ERI3: variants seen among roughly 807,000 people sequenced by gnomAD.
ERI3 encodes the protein ERI1 exoribonuclease family member 3.
A neutral mutation model predicts 44.4 loss-of-function variants in ERI3; 18 were observed. That is an observed-to-expected ratio of 0.41 (90% CI 0.28 to 0.60). ERI3 has a LOEUF of 0.60. Among genes scored for constraint, ERI3 ranks in the 20% least tolerant of loss-of-function variants. ERI3 has a pLI of 0.36. For missense variants in ERI3, 294 were observed against 435.5 expected (o/e 0.68, Z 2.89); for synonymous variants, 183 against 164.8 (o/e 1.11, Z -0.84).
intron 7 of ERI3, 81 bp downstream of exon 7, chr1:44,284,754 T>A: frequency 9.7e-7 from 1 of 1,031,542 alleles, no homozygotes; most frequent in East Asian, 2.4e-5. Context: ...AGAACAGATA[T>A]AAGAAAAGAA....
intron 6 of ERI3, among the ~76,000 whole-genome samples, chr1:44,299,845 T>C (rs1172545946): frequency 6.6e-6 from 1 of 152,122 alleles, no homozygotes; most frequent in African/African-American, 2.4e-5. Flanking sequence ...CCCAGCTGGT[T>C]CTGAGGCCCT....
intron 7 of ERI3, among the ~76,000 whole-genome samples, chr1:44,266,810 C>T (rs984993570): frequency 6.6e-6 from 1 of 152,324 alleles, no homozygotes; most frequent in South Asian, 2.1e-4. Context: ...GGAGGGTCCC[C>T]GTCTGATCTC....
Position 44,252,587 on chromosome 1 carries a change from C to G in ERI3, c.832-4549G>C, listed in dbSNP as rs1644704497. On this transcript the variant is annotated intron_variant, in intron 7 of 8. Coordinates refer to ENST00000372257, the MANE Select transcript of ERI3 (RefSeq NM_024066.3). The surrounding 1 kb of genome is among the most constrained non-coding windows in gnomAD (Gnocchi z 4.7). ...CGAAATGGAATCGTGTATAATCAGCCTCCTCCATGCACTGTCAGTCCCATC... is the reference window on the plus strand; with the variant it reads ...CGAAATGGAATCGTGTATAATCAGCGTCCTCCATGCACTGTCAGTCCCATC... 6.6e-6 allele frequency among the ~76,000 whole-genome samples: 1 copy of G among 152,252 alleles called. No individual in the cohort carries two copies. The highest frequency in any genetic ancestry group is 2.1e-4 in the South Asian group (1 of 4,834).
rs1250451168 is a variant in ERI3, at chr1:44,310,961, GCGCACACA to G, written c.666+2200_666+2207del. Among the ~76,000 whole-genome samples the G allele has an allele frequency of 7.8e-4, 66 of 84,684 alleles. 1 individual carries two copies. Among genetic ancestry groups the G allele is most frequent in the Middle Eastern group, 6.0e-3 (1 of 166 alleles). The allele number at this position is 84,684 out of a possible 152,430, so 55.6% of individuals were successfully genotyped here. ...GCATGTATGTGCACATCGCGCGCGC[GCGCACACA>G]CACACACACACACACACACACACAC... On this transcript the variant is annotated intron_variant, in intron 5 of 8. Coordinates refer to ENST00000372257, the MANE Select transcript of ERI3 (RefSeq NM_024066.3).
Position 44,352,857 on chromosome 1 carries a change from T to A in ERI3, c.204A>T (p.Val68=), listed in dbSNP as rs747247749. 2 of 1,614,148 alleles carry A rather than the reference T, an allele frequency of 1.2e-6. No individual in the cohort carries two copies. Among genetic ancestry groups the A allele is most frequent in the Non-Finnish European group, 1.7e-6 (2 of 1,180,010 alleles). The change falls in exon 2 of 9, where the codon GTA becomes GTT. Residue 68 remains valine, a synonymous_variant. Transcript: ENST00000372257. The part of the protein sequence containing the change: ...SPAAGLGIFE[V]RRVLDASGCS... ...ATGCAACAGGATTCTCACCTCTCCT[T>A]ACTTCGAAGATGCCAAGACCGGCAG...
At chr1:44,264,388 T>C (rs149049411) in intron 7 of ERI3, among the ~76,000 whole-genome samples, 46 of 152,294 alleles carry the variant, frequency 3.0e-4, no homozygotes, top group Admixed American at 8.5e-4. Flanking sequence ...GTCTCTTCTA[T>C]TGACAGGACG....
In ERI3 at chr1:44,288,638, C is replaced by G. The variant is rs550903232; in HGVS notation, c.759-3731G>C. On this transcript the variant is annotated intron_variant, in intron 6 of 8. Coordinates refer to ENST00000372257, the MANE Select transcript of ERI3 (RefSeq NM_024066.3). The stretch of plus-strand genomic sequence containing the variant: ...TCATACAACAAGGCAAGGGTAGTAC[C>G]AGAAACAGAACCTAAAGCTTCTGAC... Among the ~76,000 whole-genome samples, 69 of 152,222 alleles carry G rather than the reference C, an allele frequency of 4.5e-4. 1 individual carries two copies. The South Asian group carries it at 0.014, about 31-fold the overall frequency.
chr1:44,256,304 G>A lies in ERI3; in HGVS notation c.832-8266C>T, dbSNP rs567444389. On this transcript the variant is annotated intron_variant, in intron 7 of 8. Coordinates refer to ENST00000372257, the MANE Select transcript of ERI3 (RefSeq NM_024066.3). ...CCCCACAGCCATTCTTGGAACTGGGGGCTCAGTTGCCTGTTTTAAGGAAGA... is the reference window on the plus strand; with the variant it reads ...CCCCACAGCCATTCTTGGAACTGGGAGCTCAGTTGCCTGTTTTAAGGAAGA... Among the ~76,000 whole-genome samples the A allele has an allele frequency of 2.7e-4, 41 of 152,260 alleles. 1 individual carries two copies. Among genetic ancestry groups the A allele is most frequent in the Admixed American group, 2.7e-3 (41 of 15,296 alleles).
At position 44,355,207 on chromosome 1, in the gene ERI3, G is replaced by A. The variant is rs1646977315; in HGVS notation, c.-181C>T. 5 of 1,193,694 alleles carry A rather than the reference G, an allele frequency of 4.2e-6. No individual in the cohort carries two copies. The highest frequency in any genetic ancestry group is 4.2e-6 in the Non-Finnish European group (4 of 963,596). The allele number at this position is 1,193,694 out of a possible 1,614,324, so 73.9% of individuals were successfully genotyped here. On this transcript the variant is annotated 5_prime_UTR_variant, in exon 1 of 9. Coordinates refer to ENST00000372257, the MANE Select transcript of ERI3 (RefSeq NM_024066.3). Reference sequence around the variant, plus strand: ...CGCCCGCTCCCCACCGCCCGTTCCCGGCCGCCTGAACAGCGGCAGCCAGCA... The same window carrying A: ...CGCCCGCTCCCCACCGCCCGTTCCCAGCCGCCTGAACAGCGGCAGCCAGCA...
intron 8 of ERI3, among the ~76,000 whole-genome samples, chr1:44,224,617 C>T (rs1349162390): frequency 6.6e-6 from 1 of 152,190 alleles, no homozygotes; most frequent in Non-Finnish European, 1.5e-5. Context: ...TGGAATGCCT[C>T]CTCTTTCTGA....
chr1:44,302,394 C>G (rs1389140833), intron 6 of ERI3, among the ~76,000 whole-genome samples: 1 of 152,230 alleles, frequency 6.6e-6, no homozygotes, highest in Non-Finnish European at 1.5e-5. Context: ...CCCCTTCCCC[C>G]AGCAGGCTGC....
intron 1 of ERI3, chr1:44,353,236 A>G (rs1363596666): frequency 2.0e-6 from 2 of 985,214 alleles, no homozygotes; most frequent in Non-Finnish European, 2.4e-6. Context: ...TCAAGGAGGA[A>G]GACACTGGTA....
intron 6 of ERI3, among the ~76,000 whole-genome samples, chr1:44,302,201 CTCTT>C (rs941482228): frequency 1.3e-5 from 2 of 152,238 alleles, no homozygotes; most frequent in African/African-American, 4.8e-5. Flanking sequence ...GCATTCATAT[CTCTT>C]TCCTTCCCTA....
At chr1:44,251,256 C>A (rs1175360549) in intron 7 of ERI3, among the ~76,000 whole-genome samples, 1 of 152,270 alleles carries the variant, frequency 6.6e-6, no homozygotes, top group Non-Finnish European at 1.5e-5. Context: ...CCTCTCCCCA[C>A]AAGATATGCA....
intron 7 of ERI3, among the ~76,000 whole-genome samples, chr1:44,281,265 A>G (rs1031260070): frequency 6.6e-6 from 1 of 152,246 alleles, no homozygotes; most frequent in Non-Finnish European, 1.5e-5. Context: ...GCCCTCACAC[A>G]GTACCTGGCA....
At chr1:44,222,959 G>A (rs902467768) in intron 8 of ERI3, among the ~76,000 whole-genome samples, 2 of 152,352 alleles carry the variant, frequency 1.3e-5, no homozygotes, top group Admixed American at 6.5e-5. Context: ...ACTAGAAAAG[G>A]GCAGTAGGAG....
intron 7 of ERI3, among the ~76,000 whole-genome samples, chr1:44,278,564 T>A (rs1645225227): frequency 6.6e-6 from 1 of 152,188 alleles, no homozygotes; most frequent in Non-Finnish European, 1.5e-5. Context: ...CAACTCAGGC[T>A]GTACTAAACA....
chr1:44,221,521 C>G lies in ERI3; in HGVS notation c.*37G>C. On this transcript the variant is annotated 3_prime_UTR_variant, in exon 9 of 9. Transcript: ENST00000372257. This position sits in a 1 kb window ranked among gnomAD's most constrained non-coding sequence, Gnocchi z 5.9. ...GAGGAGGATTCTGGGCTGGGCCAAA[C>G]AGCTACCCTGTCCTGCCCCATCCTG... 1.3e-6 allele frequency: 2 copies of G among 1,571,890 alleles called. No homozygotes were observed. Among genetic ancestry groups the G allele is most frequent in the Non-Finnish European group, 1.8e-6 (2 of 1,141,936 alleles).
chr1:44,295,421 G>T (rs1360691250), intron 6 of ERI3, among the ~76,000 whole-genome samples: 3 of 152,178 alleles, frequency 2.0e-5, no homozygotes, highest in African/African-American at 7.2e-5. Context: ...AGGTATATGT[G>T]TGCTGGTCTT....
Sources: allele counts gnomAD v4.1 joint callset (sites outside exome capture counted in the v4.1 genomes callset), GRCh38; gene constraint gnomAD v4.1.1; non-coding constraint Gnocchi (gnomAD v3.1); transcripts MANE v1.5; gene names NCBI Gene and HGNC (gene_info 2026-07-23, HGNC 2026-07-21).